Variants in SAMD5 observed in about 807,000 individuals in gnomAD.
The protein encoded by SAMD5 is sterile alpha motif domain containing 5, also known as sterile alpha motif domain-containing protein 5.
SAMD5 carries 13 observed loss-of-function variants against 11.3 expected under a neutral mutation model. The ratio of observed to expected loss-of-function variants is 1.15; its 90% confidence interval spans 0.75 to 1.83. The LOEUF (loss-of-function observed/expected upper bound fraction) is 1.83, where lower values mean the gene tolerates loss of function less well. Among genes scored for constraint, SAMD5 ranks in the 40% most tolerant of loss-of-function variants. The pLI, the probability that SAMD5 is intolerant of heterozygous loss-of-function variation, is 0.00. For synonymous variants in SAMD5, 129 were observed against 111.3 expected (o/e 1.16, Z -1.00); for missense variants, 255 against 239.1 (o/e 1.07, Z -0.44).
chr6:147,537,866 C>T (rs1788536425), intron 1 of SAMD5, among the ~76,000 whole-genome samples: 1 of 152,134 alleles, frequency 6.6e-6, no homozygotes, highest in Non-Finnish European at 1.5e-5. Context: ...TTTCTTTTCT[C>T]CCTTTTTTCC....
the SAMD5 span, among the ~76,000 whole-genome samples, chr6:147,821,772 G>A: frequency 6.6e-6 from 1 of 152,084 alleles, no homozygotes; most frequent in Non-Finnish European, 1.5e-5. Context: ...TGGTTGCTAC[G>A]AAACTGAAAA....
chr6:147,881,941 T>C, the SAMD5 span, among the ~76,000 whole-genome samples: 1 of 152,278 alleles, frequency 6.6e-6, no homozygotes, highest in Non-Finnish European at 1.5e-5. Context: ...GCCCCATCCA[T>C]TACATTGTCC....
At chr6:147,906,465 C>T in the SAMD5 span, among the ~76,000 whole-genome samples, 2 of 152,212 alleles carry the variant, frequency 1.3e-5, no homozygotes, top group Non-Finnish European at 2.9e-5. Flanking sequence ...GCCAACAGAA[C>T]ACCCTTAAAA....
chr6:147,698,337 G>A (rs554629395), intron 1 of SAMD5, among the ~76,000 whole-genome samples: 3 of 152,204 alleles, frequency 2.0e-5, no homozygotes, highest in African/African-American at 7.2e-5. Context: ...ATCATCTTGG[G>A]TATTCCAGTG....
At chr6:147,859,222 CAT>C in the SAMD5 span, among the ~76,000 whole-genome samples, 7,340 of 152,170 alleles carry the variant, frequency 0.048, 566 homozygotes, top group African/African-American at 0.17. Context: ...GAGCCAAAAG[CAT>C]AGGGGGACGT....
Position 147,567,013 on chromosome 6 carries a change from G to T in SAMD5, c.*2557G>T. 1 of 856,310 alleles carries T rather than the reference G, an allele frequency of 1.2e-6. No individual in the cohort carries two copies. The highest frequency in any genetic ancestry group is 1.4e-6 in the Non-Finnish European group (1 of 712,704). 53.0% of individuals were successfully genotyped at this position (856,310 alleles called of 1,614,324 possible). On this transcript the variant is annotated 3_prime_UTR_variant, in exon 2 of 2. Coordinates refer to ENST00000367474, the MANE Select transcript of SAMD5 (RefSeq NM_001030060.3). Reference sequence around the variant, plus strand: ...AATAAATATGTTATAAAAACTAGGGGATTATCTTGATTTACATTTCCTAGA... The same window carrying T: ...AATAAATATGTTATAAAAACTAGGGTATTATCTTGATTTACATTTCCTAGA...
intron 1 of SAMD5, among the ~76,000 whole-genome samples, chr6:147,511,849 G>A (rs1426321854): frequency 6.6e-6 from 1 of 152,178 alleles, no homozygotes; most frequent in African/African-American, 2.4e-5. Flanking sequence ...GTTTTCTGAT[G>A]TAGCTAGTTT....
At chr6:147,537,050 A>G (rs982717054) in intron 1 of SAMD5, among the ~76,000 whole-genome samples, 1 of 152,148 alleles carries the variant, frequency 6.6e-6, no homozygotes, top group East Asian at 1.9e-4. Context: ...GTCACAATTG[A>G]TGAGGAAATT....
intron 1 of SAMD5, among the ~76,000 whole-genome samples, chr6:147,703,636 C>T (rs1431808549): frequency 2.0e-5 from 3 of 152,116 alleles, no homozygotes; most frequent in African/African-American, 4.8e-5. Context: ...GCTACAAAGT[C>T]CAAATCACAA....
intron 1 of SAMD5, among the ~76,000 whole-genome samples, chr6:147,511,706 C>A (rs1216365717): frequency 1.3e-5 from 2 of 151,312 alleles, no homozygotes; most frequent in East Asian, 3.9e-4. Context: ...TTAATGTACA[C>A]ATATAATTAA....
At chr6:147,691,043 G>A (rs1285443704) in intron 1 of SAMD5, among the ~76,000 whole-genome samples, 1 of 150,876 alleles carries the variant, frequency 6.6e-6, no homozygotes, top group Non-Finnish European at 1.5e-5. Context: ...TGCCCAGGCT[G>A]GAGTGCAATG....
At chr6:147,699,109 GTGCCTGATTTC>G (rs1341499199) in intron 1 of SAMD5, among the ~76,000 whole-genome samples, 1 of 152,126 alleles carries the variant, frequency 6.6e-6, no homozygotes, top group Non-Finnish European at 1.5e-5. Flanking sequence ...TGGAAATCAT[GTGCCTGATTTC>G]TGACAACTCC....
At chr6:147,836,613 A>G in the SAMD5 span, among the ~76,000 whole-genome samples, 1 of 152,170 alleles carries the variant, frequency 6.6e-6, no homozygotes, top group Non-Finnish European at 1.5e-5. Flanking sequence ...GACAAAAATA[A>G]TGGTTGTATG....
the SAMD5 span, among the ~76,000 whole-genome samples, chr6:147,831,413 G>C: frequency 3.3e-5 from 5 of 152,106 alleles, no homozygotes; most frequent in African/African-American, 9.7e-5. Context: ...CATTCCCTCT[G>C]CTCCTGCTTT....
chr6:147,678,581 A>G (rs576481124), intron 1 of SAMD5, among the ~76,000 whole-genome samples: 21 of 152,276 alleles, frequency 1.4e-4, no homozygotes, highest in African/African-American at 4.1e-4. Context: ...AGGCAGAAAG[A>G]TGGGGGACCT....
the SAMD5 span, among the ~76,000 whole-genome samples, chr6:147,878,428 C>T: frequency 2.0e-5 from 3 of 151,804 alleles, no homozygotes; most frequent in Non-Finnish European, 4.4e-5. Flanking sequence ...GCTCTACATT[C>T]TAATACCATC....
chr6:147,772,438 T>C, the SAMD5 span, among the ~76,000 whole-genome samples: 1 of 152,112 alleles, frequency 6.6e-6, no homozygotes, highest in Non-Finnish European at 1.5e-5. Flanking sequence ...ATTTTCAGGC[T>C]ATTAAATTTT....
At chr6:147,874,644 G>A in the SAMD5 span, among the ~76,000 whole-genome samples, 1 of 81,056 alleles carries the variant, frequency 1.2e-5, no homozygotes, top group Non-Finnish European at 3.2e-5. Flanking sequence ...GGATGGACAA[G>A]TGCTATGCAA....
At chr6:147,661,110 G>A (rs1790642734) in intron 1 of SAMD5, among the ~76,000 whole-genome samples, 2 of 152,182 alleles carry the variant, frequency 1.3e-5, no homozygotes, top group Non-Finnish European at 2.9e-5. Flanking sequence ...GCAATTATAT[G>A]TATATATATT....
Sources: allele counts gnomAD v4.1 joint callset (sites outside exome capture counted in the v4.1 genomes callset), GRCh38; gene constraint gnomAD v4.1.1; transcripts MANE v1.5; gene names NCBI Gene and HGNC (gene_info 2026-07-23, HGNC 2026-07-21).